KCNH1: variants seen among roughly 807,000 people sequenced by gnomAD.
The protein encoded by KCNH1 is voltage-gated delayed rectifier potassium channel KCNH1.
KCNH1 carries 27 observed loss-of-function variants against 69.2 expected under a neutral mutation model. The ratio of observed to expected loss-of-function variants is 0.39; its 90% CI spans 0.29 to 0.54. The LOEUF (loss-of-function observed/expected upper bound fraction) is 0.54. Among genes scored for constraint, KCNH1 ranks in the 20% least tolerant of loss-of-function variants. KCNH1 has a pLI of 0.68. For synonymous variants in KCNH1, 456 were observed against 487.7 expected, an observed-to-expected ratio of 0.93 and a Z score of 0.86; for missense variants, 798 against 1,261.6, an observed-to-expected ratio of 0.63 and a Z score of 5.57.
At chr1:210,769,681 T>C (rs1215176441) in intron 10 of KCNH1, among the ~76,000 whole-genome samples, 2 of 152,232 alleles carry the variant, frequency 1.3e-5, no homozygotes, top group Admixed American at 1.3e-4. Context: ...TAATTGCTTG[T>C]CTGCAGTACA....
chr1:210,964,227 G>A (rs182026825), intron 6 of KCNH1, among the ~76,000 whole-genome samples: 8 of 152,178 alleles, frequency 5.3e-5, no homozygotes, highest in Admixed American at 1.3e-4. Flanking sequence ...CTTTACAGAC[G>A]AGCAAATGCT....
chr1:210,881,007 A>G (rs955613741), intron 7 of KCNH1, among the ~76,000 whole-genome samples: 6 of 149,310 alleles, frequency 4.0e-5, no homozygotes, highest in African/African-American at 1.5e-4. Context: ...ATTCAAATTA[A>G]AACAGTAATA....
chr1:211,002,203 TAAAA>T (rs999578201), intron 6 of KCNH1, among the ~76,000 whole-genome samples: 11 of 151,224 alleles, frequency 7.3e-5, no homozygotes, highest in African/African-American at 2.4e-4. Context: ...ATAATAATAA[TAAAA>T]AAAGAATTTT....
At chr1:210,983,402 A>T (rs1688755887) in intron 6 of KCNH1, among the ~76,000 whole-genome samples, 1 of 152,220 alleles carries the variant, frequency 6.6e-6, no homozygotes, top group Admixed American at 6.5e-5. Context: ...TTATGGTTTT[A>T]GGTCTAACAT....
At chr1:210,935,120 T>TCACACA (rs10588037) in intron 6 of KCNH1, among the ~76,000 whole-genome samples, 17 of 129,230 alleles carry the variant, frequency 1.3e-4, no homozygotes, top group Admixed American at 5.5e-4. Context: ...AAAGAAAATG[T>TCACACA]CACACACACA....
chr1:210,703,993 C>T (rs923059034), intron 10 of KCNH1, among the ~76,000 whole-genome samples: 5 of 152,064 alleles, frequency 3.3e-5, no homozygotes, highest in African/African-American at 9.7e-5. Context: ...AAGTGCTCTA[C>T]GAGAGACAAG....
At chr1:210,977,386 A>G (rs950055935) in intron 6 of KCNH1, among the ~76,000 whole-genome samples, 3 of 152,126 alleles carry the variant, frequency 2.0e-5, no homozygotes, top group African/African-American at 7.2e-5. Flanking sequence ...TGGCACATGT[A>G]TACATATGTA....
chr1:211,097,578 C>T (rs1260805916), intron 3 of KCNH1, among the ~76,000 whole-genome samples: 1 of 152,168 alleles, frequency 6.6e-6, no homozygotes, highest in Non-Finnish European at 1.5e-5. Context: ...ACCCATTCAG[C>T]AAATAAGCAA....
intron 10 of KCNH1, among the ~76,000 whole-genome samples, chr1:210,756,299 G>A (rs1356340346): frequency 6.6e-6 from 1 of 152,160 alleles, no homozygotes; most frequent in Non-Finnish European, 1.5e-5. Flanking sequence ...CCAATAGGGG[G>A]TGTCCAGTGT....
intron 10 of KCNH1, among the ~76,000 whole-genome samples, chr1:210,698,574 G>T (rs994114535): frequency 6.6e-6 from 1 of 152,246 alleles, no homozygotes; most frequent in Non-Finnish European, 1.5e-5. Flanking sequence ...CCATCAAAAT[G>T]GCAAAGAAAT....
At chr1:211,013,048 G>A (rs981140835) in intron 6 of KCNH1, among the ~76,000 whole-genome samples, 1 of 152,174 alleles carries the variant, frequency 6.6e-6, no homozygotes, top group African/African-American at 2.4e-5. Flanking sequence ...AAAAGCCCTG[G>A]TCATCTCATG....
At chr1:210,995,997 G>A (rs909927461) in intron 6 of KCNH1, among the ~76,000 whole-genome samples, 15 of 151,828 alleles carry the variant, frequency 9.9e-5, no homozygotes, top group Admixed American at 7.2e-4. Flanking sequence ...TAAGATTTTT[G>A]AGGGTGGCAG....
intron 10 of KCNH1, among the ~76,000 whole-genome samples, chr1:210,754,141 G>T (rs369009827): frequency 6.6e-6 from 1 of 151,658 alleles, no homozygotes; most frequent in Non-Finnish European, 1.5e-5. Flanking sequence ...GGATGGTCTC[G>T]ATCTGCTGAC....
intron 10 of KCNH1, among the ~76,000 whole-genome samples, chr1:210,708,151 G>C (rs1045895950): frequency 1.3e-5 from 2 of 152,174 alleles, no homozygotes; most frequent in African/African-American, 4.8e-5. Flanking sequence ...CAAAGAAGGG[G>C]TGTCCCCCAT....
chr1:210,977,311 G>A (rs997792375), intron 6 of KCNH1, among the ~76,000 whole-genome samples: 1 of 152,098 alleles, frequency 6.6e-6, no homozygotes, highest in Non-Finnish European at 1.5e-5. Context: ...GGGGGAGTGG[G>A]GAGGGATAGC....
intron 7 of KCNH1, among the ~76,000 whole-genome samples, chr1:210,844,702 G>C (rs1285885838): frequency 5.3e-5 from 8 of 152,166 alleles, no homozygotes; most frequent in Non-Finnish European, 1.2e-4. Flanking sequence ...TCAAACGCTA[G>C]CAGAAGGCAA....
At chr1:210,997,968 A>AT (rs1229965179) in intron 6 of KCNH1, among the ~76,000 whole-genome samples, 1 of 152,196 alleles carries the variant, frequency 6.6e-6, no homozygotes, top group Non-Finnish European at 1.5e-5. Context: ...ATGCTGAGAG[A>AT]TTTTGTCACC....
intron 5 of KCNH1, among the ~76,000 whole-genome samples, chr1:211,051,289 T>C (rs1486099723): frequency 6.6e-6 from 1 of 152,164 alleles, no homozygotes; most frequent in Admixed American, 6.5e-5. Flanking sequence ...TGAGCCACCA[T>C]GCCTGGCTGA....
chr1:210,853,063 C>G (rs1008013028), intron 7 of KCNH1, among the ~76,000 whole-genome samples: 3 of 152,114 alleles, frequency 2.0e-5, no homozygotes, highest in Admixed American at 6.5e-5. Context: ...TACAGAAAAA[C>G]CACTAAAATG....
Sources: allele counts gnomAD v4.1 joint callset (sites outside exome capture counted in the v4.1 genomes callset), GRCh38; gene constraint gnomAD v4.1.1; transcripts MANE v1.5; gene names NCBI Gene and HGNC (gene_info 2026-07-23, HGNC 2026-07-21).